DSCAM: variants seen among roughly 807,000 people sequenced by gnomAD.
DSCAM encodes the protein cell adhesion molecule DSCAM.
Under a neutral mutation model 217.7 loss-of-function variants are expected in DSCAM, and 47 were observed. That is an observed-to-expected ratio of 0.22 (90% CI 0.17 to 0.28). The LOEUF is 0.28. DSCAM is among the 10% of genes least tolerant of loss of function. The pLI is 1.00. For synonymous variants in DSCAM, 1,056 were observed against 1,015.3 expected (o/e 1.04, Z -0.76); for missense variants, 2,080 against 2,618.3 (o/e 0.79, Z 4.49).
At chr21:40,380,792 G>A (rs2075012473) in intron 3 of DSCAM, among the ~76,000 whole-genome samples, 1 of 152,160 alleles carries the variant, frequency 6.6e-6, no homozygotes, top group Admixed American at 6.5e-5. Context: ...GGCCGGGCGC[G>A]GTGGCTCGCG....
intron 3 of DSCAM, among the ~76,000 whole-genome samples, chr21:40,528,366 C>A (rs1264177130): frequency 6.6e-6 from 1 of 152,172 alleles, no homozygotes; most frequent in African/African-American, 2.4e-5. Context: ...CTATATTATA[C>A]TCCATTATAG....
intron 3 of DSCAM, among the ~76,000 whole-genome samples, chr21:40,590,243 C>G (rs1037163021): frequency 2.0e-5 from 3 of 152,208 alleles, no homozygotes; most frequent in African/African-American, 7.2e-5. Context: ...AAAATATTAA[C>G]ATGATATGGA....
At chr21:40,074,187 A>G (rs762175402) in intron 27 of DSCAM, among the ~76,000 whole-genome samples, 30 of 152,326 alleles carry the variant, frequency 2.0e-4, no homozygotes, top group Non-Finnish European at 3.4e-4. Flanking sequence ...GTGCTTCCAG[A>G]TTTGTACTTT....
intron 3 of DSCAM, among the ~76,000 whole-genome samples, chr21:40,440,848 T>C (rs1401141562): frequency 1.3e-5 from 2 of 152,116 alleles, no homozygotes; most frequent in African/African-American, 4.8e-5. Flanking sequence ...TTGACATATG[T>C]AAATTGAACA....
intron 3 of DSCAM, among the ~76,000 whole-genome samples, chr21:40,590,814 C>A (rs2076978671): frequency 6.6e-6 from 1 of 152,212 alleles, no homozygotes. Flanking sequence ...CTGTCTAAAC[C>A]ATCTGGTTAT....
intron 3 of DSCAM, among the ~76,000 whole-genome samples, chr21:40,599,977 C>CA (rs539030657): frequency 2.6e-5 from 4 of 151,936 alleles, no homozygotes; most frequent in Non-Finnish European, 5.9e-5. Flanking sequence ...GCCTACCAAC[C>CA]AAAAAAAGCC....
intron 11 of DSCAM, among the ~76,000 whole-genome samples, chr21:40,269,836 T>C (rs1428625023): frequency 1.3e-5 from 2 of 152,332 alleles, no homozygotes; most frequent in Admixed American, 6.5e-5. Flanking sequence ...CAGTAGAGCC[T>C]CATCTTCACT....
intron 8 of DSCAM, among the ~76,000 whole-genome samples, chr21:40,333,383 T>C (rs1264210602): frequency 6.6e-6 from 1 of 152,192 alleles, no homozygotes. Flanking sequence ...ATTGATTGAT[T>C]GAGACAGAGT....
intron 3 of DSCAM, among the ~76,000 whole-genome samples, chr21:40,512,667 G>A (rs1297384043): frequency 6.6e-6 from 1 of 151,884 alleles, no homozygotes; most frequent in Non-Finnish European, 1.5e-5. Flanking sequence ...GATTTGTACC[G>A]TTGCTCAGTG....
intron 9 of DSCAM, among the ~76,000 whole-genome samples, chr21:40,298,962 G>A (rs1024730545): frequency 4.6e-5 from 7 of 151,936 alleles, no homozygotes; most frequent in African/African-American, 1.7e-4. Flanking sequence ...AGATAAAAAC[G>A]GTCCCTAAAT....
At chr21:40,145,044 C>T (rs1381618286) in intron 16 of DSCAM, among the ~76,000 whole-genome samples, 2 of 152,128 alleles carry the variant, frequency 1.3e-5, no homozygotes, top group African/African-American at 4.8e-5. Flanking sequence ...CCAGAGCCTG[C>T]GCTCTCATTC....
chr21:40,288,170 A>G (rs576484423), intron 10 of DSCAM, among the ~76,000 whole-genome samples: 4 of 152,338 alleles, frequency 2.6e-5, no homozygotes, highest in Admixed American at 1.3e-4. Context: ...CTTTCCGCCC[A>G]GAAAACCAAG....
At chr21:40,649,311 C>A (rs2089986698) in intron 3 of DSCAM, among the ~76,000 whole-genome samples, 1 of 152,208 alleles carries the variant, frequency 6.6e-6, no homozygotes, top group East Asian at 1.9e-4. Context: ...TCCAGAGCAG[C>A]AGGAGGCATT....
chr21:40,560,755 G>A (rs559443164), intron 3 of DSCAM, among the ~76,000 whole-genome samples: 17 of 152,316 alleles, frequency 1.1e-4, no homozygotes, highest in African/African-American at 4.1e-4. Flanking sequence ...GTTTGCCCCC[G>A]TGACAGTGTA....
chr21:40,550,441 C>G (rs2076620488), intron 3 of DSCAM, among the ~76,000 whole-genome samples: 1 of 152,180 alleles, frequency 6.6e-6, no homozygotes, highest in Non-Finnish European at 1.5e-5. Context: ...AGGAGAATCA[C>G]TGGAACCTGG....
chr21:40,256,442 C>G (rs199573566), intron 11 of DSCAM, among the ~76,000 whole-genome samples: 6,244 of 149,990 alleles, frequency 0.042, 364 homozygotes, highest in East Asian at 0.21. Flanking sequence ...GAGAGAGACA[C>G]ACACAGACAG....
At chr21:40,462,572 G>C (rs2075814580) in intron 3 of DSCAM, among the ~76,000 whole-genome samples, 1 of 152,206 alleles carries the variant, frequency 6.6e-6, no homozygotes, top group Non-Finnish European at 1.5e-5. Context: ...TGCTTAGGCA[G>C]GGGAGGTGGC....
chr21:40,255,421 G>A lies in DSCAM; in HGVS notation c.2356+20676C>T, dbSNP rs77466468. The stretch of plus-strand genomic sequence containing the variant: ...TACAGTCCTTGCTCATAGCAATACA[G>A]TAGGCAGAATAATGGTGCTTCAAAG... On this transcript the variant is annotated intron_variant, in intron 11 of 32. Transcript: ENST00000400454. Among the ~76,000 whole-genome samples, 291 of 152,312 alleles carry A rather than the reference G, an allele frequency of 1.9e-3. 3 individuals are homozygous for A. The East Asian group carries it at 0.04, about 21-fold the overall frequency.
rs1164110952 is a variant in DSCAM at position 40,620,065 on chromosome 21, AAG to A, written c.508+72743_508+72744del. ...GAGAGAGAAAAAAGAAAAAGAAAGA[AAG>A]AGAGAAAGAGAAAAAAGAAAGAGAG... On this transcript the variant is annotated intron_variant, in intron 3 of 32. Transcript: ENST00000400454. 4.3e-5 allele frequency among the ~76,000 whole-genome samples: 4 copies of A among 92,826 alleles called. No individual in the cohort carries two copies. In the South Asian group the frequency reaches 1.3e-3, roughly 31 times the overall value. 60.9% of individuals were successfully genotyped at this position (92,826 alleles called of 152,430 possible). A position where few individuals can be genotyped will look rare whatever the true frequency, so the allele number is the denominator to read the frequency against.
Sources: gnomAD v4.1 joint callset for allele counts (sites outside exome capture counted in the v4.1 genomes callset) on GRCh38, gnomAD v4.1.1 for gene constraint, MANE v1.5 for transcripts, NCBI Gene and HGNC (gene_info 2026-07-23, HGNC 2026-07-21) for gene names.